KL: variants seen among roughly 807,000 people sequenced by gnomAD.
The protein encoded by KL is klotho.
Under a neutral mutation model 84.2 loss-of-function variants are expected in KL, and 62 were observed. That is an observed-to-expected ratio of 0.74 (90% CI 0.60 to 0.91). KL has a LOEUF of 0.91. Ranked by LOEUF, KL falls within the 40% of genes least tolerant of loss-of-function variation. KL has a pLI of 0.00. For missense variants in KL, 1,261 were observed against 1,305.7 expected (o/e 0.97, Z 0.53); for synonymous variants, 528 against 528.0 (o/e 1.00, Z 0.00).
intron 1 of KL, among the ~76,000 whole-genome samples, chr13:33,020,800 G>T (rs1870548714): frequency 6.6e-6 from 1 of 152,136 alleles, no homozygotes; most frequent in Admixed American, 6.5e-5. Context: ...CACTGCTGGG[G>T]TTCTTATTTC....
intron 1 of KL, among the ~76,000 whole-genome samples, chr13:33,036,566 C>G (rs1486272132): frequency 6.6e-6 from 1 of 152,148 alleles, no homozygotes; most frequent in East Asian, 1.9e-4. Flanking sequence ...TCTATTCCAG[C>G]AAAACAATCT....
At chr13:33,057,117 C>T (rs1028610730) in intron 3 of KL, among the ~76,000 whole-genome samples, 5 of 152,086 alleles carry the variant, frequency 3.3e-5, no homozygotes, top group African/African-American at 4.8e-5. Flanking sequence ...GGGGATAGAT[C>T]GGATGGTCCC....
Position 33,016,867 on chromosome 13 carries a change from G to A in KL, c.427G>A (p.Gly143Arg). 6.2e-7 allele frequency: 1 copy of A among 1,612,716 alleles called. No individual in the cohort carries two copies. Among genetic ancestry groups the A allele is most frequent in the Non-Finnish European group, 8.5e-7 (1 of 1,179,806 alleles). Residue 143 changes from glycine to arginine, a missense_variant, in exon 1 of 5, where the codon GGG (glycine) becomes AGG (arginine). Physicochemically the swap from Gly to Arg is moderately radical, Grantham distance 125 (BLOSUM62 -2). Coordinates refer to ENST00000380099, the MANE Select transcript of KL (RefSeq NM_004795.4). ...CGACACGGAGGCGCTGCGCGAGCTC[G>A]GGGTCACTCACTACCGCTTCTCCAT... ...FRDTEALREL[G>R]VTHYRFSISW...
chr13:33,044,640 C>CTTTTTTTTTTT lies in KL; in HGVS notation c.820-9109_820-9099dup, dbSNP rs71071071. Among the ~76,000 whole-genome samples, 143 of 52,750 alleles carry CTTTTTTTTTTT rather than the reference C, an allele frequency of 2.7e-3. 38 individuals are homozygous for CTTTTTTTTTTT. Among genetic ancestry groups the CTTTTTTTTTTT allele is most frequent in the Admixed American group, 4.7e-3 (14 of 3,008 alleles). The allele number at this position is 52,750 out of a possible 152,430, so 34.6% of individuals were successfully genotyped here. ...TTCATATATAAATGCAATTGATTTT[C>CTTTTTTTTTTT]TTTTTTTTTTTTTTTTTTTTTTTTT... On this transcript the variant is annotated intron_variant, in intron 1 of 4. Transcript: ENST00000380099.
At chr13:33,052,849 T>C (rs1185851717) in intron 1 of KL, among the ~76,000 whole-genome samples, 1 of 152,090 alleles carries the variant, frequency 6.6e-6, no homozygotes, top group Non-Finnish European at 1.5e-5. Flanking sequence ...CTTGTATTTG[T>C]AGGAAAATAG....
At chr13:33,057,102 G>A (rs1030867311) in intron 3 of KL, among the ~76,000 whole-genome samples, 1 of 152,144 alleles carries the variant, frequency 6.6e-6, no homozygotes, top group African/African-American at 2.4e-5. Context: ...CTCTTTACTG[G>A]GGTTGGGGAT....
At chr13:33,044,652 T>C (rs1385541043) in intron 1 of KL, among the ~76,000 whole-genome samples, 3 of 97,756 alleles carry the variant, frequency 3.1e-5, no homozygotes, top group Non-Finnish European at 6.3e-5. Flanking sequence ...TTTTTTTTTT[T>C]TTTTTTTTTT....
intron 3 of KL, 32 bp downstream of exon 3, chr13:33,055,347 T>G (rs1460952409): frequency 1.2e-6 from 2 of 1,613,944 alleles, no homozygotes; most frequent in Admixed American, 1.7e-5. Flanking sequence ...ATCAGCAGTC[T>G]CACCAAGCCC....
chr13:33,017,008 A>G lies in KL; in HGVS notation c.568A>G (p.Thr190Ala), dbSNP rs1456866889. Residue 190 changes from threonine (T) to alanine (A), a missense_variant, in exon 1 of 5, where the codon ACC (threonine) becomes GCC (alanine). Coordinates refer to ENST00000380099, the MANE Select transcript of KL (RefSeq NM_004795.4). Reference sequence around the variant, plus strand: ...GGAGCTGGGCGTGCAGCCCGTGGTCACCCTGTACCACTGGGACCTGCCCCA... The same window carrying G: ...GGAGCTGGGCGTGCAGCCCGTGGTCGCCCTGTACCACTGGGACCTGCCCCA... Reference protein sequence around the residue: ...LRELGVQPVVTLYHWDLPQRL... With the variant: ...LRELGVQPVVALYHWDLPQRL... The G allele has an allele frequency of 4.4e-6, 7 of 1,593,664 alleles. No homozygotes were observed. The highest frequency in any genetic ancestry group is 6.0e-6 in the Non-Finnish European group (7 of 1,173,808).
intron 1 of KL, among the ~76,000 whole-genome samples, chr13:33,052,134 T>A (rs1388604138): frequency 6.6e-6 from 1 of 152,138 alleles, no homozygotes; most frequent in Non-Finnish European, 1.5e-5. Context: ...GTTTTGGATT[T>A]TTTGGTAGAA....
Position 33,046,189 on chromosome 13 carries a change from A to G in KL, c.820-7578A>G, listed in dbSNP as rs373948110. ...TAAGTTAGAAAGTGTTCTTTCTTCTATTTTTTGAAGAGCTTGAAAAGAGTC... is the reference window on the plus strand; with the variant it reads ...TAAGTTAGAAAGTGTTCTTTCTTCTGTTTTTTGAAGAGCTTGAAAAGAGTC... On this transcript the variant is annotated intron_variant, in intron 1 of 4. Transcript: ENST00000380099. 3.5e-4 allele frequency among the ~76,000 whole-genome samples: 53 copies of G among 152,282 alleles called. No individual in the cohort carries two copies. The South Asian group carries it at 0.011, about 31-fold the overall frequency.
In KL at chr13:33,064,371, C is replaced by G. The variant is rs912547366; in HGVS notation, c.*185C>G. ...GGTGATCGTAAAATATTGAATAATG[C>G]GAATAGTGCCTGAATTTGTTCTCTT... On this transcript the variant is annotated 3_prime_UTR_variant, in exon 5 of 5. Transcript: ENST00000380099. The G allele has an allele frequency of 7.4e-6, 4 of 539,196 alleles. No individual in the cohort carries two copies. Among genetic ancestry groups the G allele is most frequent in the Non-Finnish European group, 9.8e-6 (3 of 304,632 alleles). 33.4% of individuals were successfully genotyped at this position (539,196 alleles called of 1,614,324 possible). A position where few individuals can be genotyped will look rare whatever the true frequency, so the allele number is the denominator to read the frequency against.
chr13:33,031,042 A>T (rs182225746), intron 1 of KL, among the ~76,000 whole-genome samples: 1 of 152,324 alleles, frequency 6.6e-6, no homozygotes, highest in African/African-American at 2.4e-5. Context: ...GGAAATTTGT[A>T]AAGAAATAAT....
intron 1 of KL, among the ~76,000 whole-genome samples, chr13:33,040,492 G>C (rs1360367883): frequency 6.6e-6 from 1 of 152,044 alleles, no homozygotes; most frequent in Non-Finnish European, 1.5e-5. Context: ...GTAACATCTG[G>C]AGGGCCCTTT....
At position 33,065,852 on chromosome 13, in the gene KL, G is replaced by A. The variant is rs1872392982; in HGVS notation, c.*1666G>A. On this transcript the variant is annotated 3_prime_UTR_variant, in exon 5 of 5. Coordinates refer to ENST00000380099, the MANE Select transcript of KL (RefSeq NM_004795.4). Reference sequence around the variant, plus strand: ...TTTTACATAGATCATATTGTATATAGTTAGTATCTTTATTAATTTTTATTA... The same window carrying A: ...TTTTACATAGATCATATTGTATATAATTAGTATCTTTATTAATTTTTATTA... 1 of 174,032 alleles carries A rather than the reference G, an allele frequency of 5.7e-6. No individual in the cohort carries two copies. The highest frequency in any genetic ancestry group is 2.4e-5 in the African/African-American group (1 of 42,142). 10.8% of individuals were successfully genotyped at this position (174,032 alleles called of 1,614,324 possible).
chr13:33,064,476 A>C lies in KL; in HGVS notation c.*290A>C. Reference sequence around the variant, plus strand: ...AGCATGAAAAATAGGAACCACACCAATGCAACATTTGTGCAGAAATTTGAA... The same window carrying C: ...AGCATGAAAAATAGGAACCACACCACTGCAACATTTGTGCAGAAATTTGAA... On this transcript the variant is annotated 3_prime_UTR_variant, in exon 5 of 5. Transcript: ENST00000380099. The C allele has an allele frequency of 3.1e-6, 1 of 318,610 alleles. No homozygotes were observed. The highest frequency in any genetic ancestry group is 5.8e-6 in the Non-Finnish European group (1 of 171,184). The allele number at this position is 318,610 out of a possible 1,614,324, so 19.7% of individuals were successfully genotyped here.
At chr13:33,038,754 G>C (rs1566502693) in intron 1 of KL, among the ~76,000 whole-genome samples, 1 of 152,134 alleles carries the variant, frequency 6.6e-6, no homozygotes, top group Non-Finnish European at 1.5e-5. Context: ...AAAAGTGAGT[G>C]ATTGAATTAG....
At chr13:33,040,961 A>T (rs1273057415) in intron 1 of KL, among the ~76,000 whole-genome samples, 1 of 152,174 alleles carries the variant, frequency 6.6e-6, no homozygotes, top group Non-Finnish European at 1.5e-5. Flanking sequence ...TAATAGCCTA[A>T]ATCTAGCCAC....
In KL at chr13:33,055,007, C is replaced by T. The variant is rs544984451; in HGVS notation, c.1331-40C>T. ...CTTGAACCATGATGCAAGTGCCCAG[C>T]GAAGGGTCATGTTGCTCTTGTCCCC... On this transcript the variant is annotated intron_variant, in intron 2 of 4. Coordinates refer to ENST00000380099, the MANE Select transcript of KL (RefSeq NM_004795.4). 4.2e-5 allele frequency: 68 copies of T among 1,613,768 alleles called. No individual in the cohort carries two copies. The African/African-American group carries it at 4.8e-4, about 11-fold the overall frequency.
Sources: gnomAD v4.1 joint callset for allele counts (sites outside exome capture counted in the v4.1 genomes callset) on GRCh38, gnomAD v4.1.1 for gene constraint, MANE v1.5 for transcripts, NCBI Gene and HGNC (gene_info 2026-07-23, HGNC 2026-07-21) for gene names.